NR2F1-AS1: variants seen among roughly 807,000 people sequenced by gnomAD.
NR2F1-AS1 encodes the protein NR2F1 regulatory antisense RNA 1, also known as NR2F1 antisense RNA 1.
chr5:93,516,301 T>C (rs899017005), intron 4 of NR2F1-AS1, among the ~76,000 whole-genome samples: 1 of 151,878 alleles, frequency 6.6e-6, no homozygotes, highest in African/African-American at 2.4e-5. Flanking sequence ...TGGCCCATAT[T>C]AAACTTCTCT....
intron 2 of NR2F1-AS1, among the ~76,000 whole-genome samples, chr5:93,562,195 A>AAAAAAGAAAAGAAAAG (rs755007063): frequency 5.9e-5 from 8 of 136,714 alleles, no homozygotes; most frequent in African/African-American, 9.0e-5. Flanking sequence ...AAAAAAAAAA[A>AAAAAAGAAAAGAAAAG]AAAAGAAAAG....
upstream of NR2F1-AS1, among the ~76,000 whole-genome samples, chr5:93,581,992 C>G (rs1277270458): frequency 9.2e-6 from 1 of 108,480 alleles, no homozygotes; most frequent in East Asian, 2.6e-4. Flanking sequence ...CTCTCTCTCC[C>G]CTCTCCTCTC....
chr5:93,530,248 T>G (rs980277096), intron 4 of NR2F1-AS1, among the ~76,000 whole-genome samples: 33 of 151,972 alleles, frequency 2.2e-4, no homozygotes, highest in African/African-American at 7.5e-4. Flanking sequence ...AACTGGATAA[T>G]TTTTTGTATT....
chr5:93,535,514 A>G (rs1751820956), intron 4 of NR2F1-AS1, among the ~76,000 whole-genome samples: 1 of 151,986 alleles, frequency 6.6e-6, no homozygotes, highest in South Asian at 2.1e-4. Flanking sequence ...ATAAGTCTGT[A>G]AGAAGCAAGA....
intron 4 of NR2F1-AS1, among the ~76,000 whole-genome samples, chr5:93,489,384 AT>A (rs1265561135): frequency 6.6e-6 from 1 of 152,014 alleles, no homozygotes; most frequent in Non-Finnish European, 1.5e-5. Context: ...GATCATTAGC[AT>A]TTTTTAGGAG....
At chr5:93,519,644 C>T (rs1269803397) in intron 4 of NR2F1-AS1, among the ~76,000 whole-genome samples, 1 of 151,928 alleles carries the variant, frequency 6.6e-6, no homozygotes, top group African/African-American at 2.4e-5. Flanking sequence ...TAAAACAATG[C>T]TTCTATTTAG....
At chr5:93,474,647 G>A (rs1750441795) in intron 4 of NR2F1-AS1, among the ~76,000 whole-genome samples, 1 of 152,284 alleles carries the variant, frequency 6.6e-6, no homozygotes, top group Admixed American at 6.5e-5. Flanking sequence ...GGGCAAAGCA[G>A]TTCTCTTGGG....
chr5:93,446,975 G>A (rs1470699311), intron 4 of NR2F1-AS1, among the ~76,000 whole-genome samples: 1 of 152,088 alleles, frequency 6.6e-6, no homozygotes, highest in Non-Finnish European at 1.5e-5. Context: ...TTTAATAAAT[G>A]GTGCTGGGAA....
chr5:93,458,861 A>C (rs185499378), intron 4 of NR2F1-AS1, among the ~76,000 whole-genome samples: 169 of 152,008 alleles, frequency 1.1e-3, no homozygotes, highest in African/African-American at 3.8e-3. Context: ...AATACAAAAA[A>C]ATTAGCTGGG....
chr5:93,510,057 T>C lies in NR2F1-AS1; in HGVS notation n.638+43704A>G, dbSNP rs138505878. Among the ~76,000 whole-genome samples the C allele has an allele frequency of 3.8e-3, 573 of 152,222 alleles. 3 individuals are homozygous for C. Among genetic ancestry groups the C allele is most frequent in the African/African-American group, 0.013 (541 of 41,584 alleles). On this transcript the variant is annotated intron_variant and non_coding_transcript_variant, in intron 4 of 5. Transcript: ENST00000660523. ...AACCAAAATATCTAAAAATGTGTTA[T>C]TTTACTTAGATTGTAAATAGAATGG...
chr5:93,533,860 A>G (rs972852440), intron 4 of NR2F1-AS1, among the ~76,000 whole-genome samples: 12 of 152,194 alleles, frequency 7.9e-5, no homozygotes, highest in Non-Finnish European at 1.5e-4. Context: ...GGCCAGGCGC[A>G]GTGGCTCACA....
upstream of NR2F1-AS1, chr5:93,583,174 T>C (rs1329738647): frequency 1.3e-5 from 2 of 152,156 alleles, no homozygotes; most frequent in Admixed American, 6.5e-5. Flanking sequence ...GTTTCAATAG[T>C]AGTGTCAAAG....
chr5:93,514,236 T>C (rs1751358328), intron 4 of NR2F1-AS1, among the ~76,000 whole-genome samples: 1 of 152,142 alleles, frequency 6.6e-6, no homozygotes, highest in Admixed American at 6.6e-5. Context: ...TTGGTATTTC[T>C]AGTAACACCC....
chr5:93,471,402 A>G (rs1750361431), intron 4 of NR2F1-AS1, among the ~76,000 whole-genome samples: 1 of 151,926 alleles, frequency 6.6e-6, no homozygotes, highest in South Asian at 2.1e-4. Context: ...GTGCATTCCA[A>G]CATTATTTAC....
At chr5:93,520,142 T>C (rs1751474026) in intron 4 of NR2F1-AS1, among the ~76,000 whole-genome samples, 1 of 152,126 alleles carries the variant, frequency 6.6e-6, no homozygotes, top group Admixed American at 6.6e-5. Flanking sequence ...AAAACTGAAC[T>C]ACACGCATAC....
upstream of NR2F1-AS1, among the ~76,000 whole-genome samples, chr5:93,581,740 CT>C (rs1753060281): frequency 9.4e-5 from 4 of 42,504 alleles, no homozygotes; most frequent in African/African-American, 5.3e-4. Flanking sequence ...CTCTCCCCCT[CT>C]CCCTCTCCCT....
intron 4 of NR2F1-AS1, among the ~76,000 whole-genome samples, chr5:93,496,271 T>C (rs1750958566): frequency 6.6e-6 from 1 of 152,190 alleles, no homozygotes; most frequent in Non-Finnish European, 1.5e-5. Flanking sequence ...CTTGCTTTGC[T>C]CAAGCAGGCT....
chr5:93,447,039 T>G lies in NR2F1-AS1; in HGVS notation n.639-51497A>C, dbSNP rs534235728. On this transcript the variant is annotated intron_variant and non_coding_transcript_variant, in intron 4 of 5. Coordinates refer to ENST00000660523, the Ensembl canonical transcript of NR2F1-AS1. ...AACTGGATCCCTTCCTTACATCTTATACAAAAATTAATTCAAGATGGATTA... is the reference window on the plus strand; with the variant it reads ...AACTGGATCCCTTCCTTACATCTTAGACAAAAATTAATTCAAGATGGATTA... Among the ~76,000 whole-genome samples, 5 of 152,248 alleles carry G rather than the reference T, an allele frequency of 3.3e-5. No homozygotes were observed. In the South Asian group the frequency reaches 1.0e-3, roughly 32 times the overall value.
chr5:93,551,556 G>A (rs1405026677), intron 4 of NR2F1-AS1, among the ~76,000 whole-genome samples: 1 of 151,948 alleles, frequency 6.6e-6, no homozygotes, highest in African/African-American at 2.4e-5. Context: ...GCCATTATAA[G>A]CTTTTTCATC....
Sources: allele counts gnomAD v4.1 joint callset (sites outside exome capture counted in the v4.1 genomes callset), GRCh38; gene constraint gnomAD v4.1.1; transcripts MANE v1.5; gene names NCBI Gene and HGNC (gene_info 2026-07-23, HGNC 2026-07-21).